CLIP1: variants seen among roughly 807,000 people sequenced by gnomAD.
CLIP1 encodes the protein CAP-Gly domain-containing linker protein 1.
A neutral mutation model predicts 161.6 loss-of-function variants in CLIP1; 66 were observed. That is an observed-to-expected ratio of 0.41 (90% confidence interval 0.33 to 0.50). CLIP1 has a LOEUF of 0.50. Among genes scored for constraint, CLIP1 ranks in the 20% least tolerant of loss-of-function variants. The probability of loss-of-function intolerance (pLI) is 0.27; values close to 1 mark genes in which losing one functional copy is unlikely to be tolerated. For synonymous variants in CLIP1, 598 were observed against 626.2 expected, an observed-to-expected ratio of 0.96 and a Z score of 0.67; for missense variants, 1,376 against 1,702.0, an observed-to-expected ratio of 0.81 and a Z score of 3.37.
intron 24 of CLIP1, chr12:122,277,899 T>C: frequency 2.2e-6 from 1 of 456,080 alleles, no homozygotes; most frequent in Non-Finnish European, 3.9e-6. Flanking sequence ...AAAAAATCTC[T>C]GAAAAGGAAA....
At chr12:122,387,138 C>T (rs1030768022) in intron 1 of CLIP1, among the ~76,000 whole-genome samples, 11 of 152,078 alleles carry the variant, frequency 7.2e-5, no homozygotes, top group Non-Finnish European at 1.3e-4. Flanking sequence ...GGGATCCTCC[C>T]GCCTCAGCCT....
Position 122,408,888 on chromosome 12 carries a change from T to C in CLIP1, c.-107+13633A>G, listed in dbSNP as rs141313647. On this transcript the variant is annotated intron_variant, in intron 1 of 25. Coordinates refer to ENST00000620786, the MANE Select transcript of CLIP1 (RefSeq NM_001247997.2). ...CCAGGGTGGCACGATCTTGGCTCAC[T>C]GCAACCTCCGCCTCCCAGGCTCAAG... Among the ~76,000 whole-genome samples the C allele has an allele frequency of 5.3e-4, 80 of 152,304 alleles. 1 individual carries two copies. The highest frequency in any genetic ancestry group is 1.8e-3 in the African/African-American group (76 of 41,572).
chr12:122,405,576 G>A (rs892421701), intron 1 of CLIP1, among the ~76,000 whole-genome samples: 3 of 152,048 alleles, frequency 2.0e-5, no homozygotes, highest in Admixed American at 6.6e-5. Context: ...ATCACCTGAG[G>A]TGAAGAGTTC....
At chr12:122,405,405 T>C (rs1956292390) in intron 1 of CLIP1, among the ~76,000 whole-genome samples, 1 of 152,188 alleles carries the variant, frequency 6.6e-6, no homozygotes, top group African/African-American at 2.4e-5. Flanking sequence ...TCTAAGTATG[T>C]GGGTATTTAT....
At chr12:122,384,155 T>C (rs1426107897) in intron 1 of CLIP1, among the ~76,000 whole-genome samples, 2 of 152,202 alleles carry the variant, frequency 1.3e-5, no homozygotes, top group African/African-American at 2.4e-5. Flanking sequence ...TCATCACCTG[T>C]CTCCTAAGGT....
At chr12:122,389,556 C>T (rs967025782) in intron 1 of CLIP1, among the ~76,000 whole-genome samples, 12 of 151,770 alleles carry the variant, frequency 7.9e-5, no homozygotes, top group African/African-American at 2.9e-4. Flanking sequence ...GTTAGGTGTT[C>T]GAGACCAACC....
At position 122,414,425 on chromosome 12, in the gene CLIP1, T is replaced by C. The variant is rs377732677; in HGVS notation, c.-107+8096A>G. Among the ~76,000 whole-genome samples, 14 of 151,976 alleles carry C rather than the reference T, an allele frequency of 9.2e-5. No homozygotes were observed. In the South Asian group the frequency reaches 2.3e-3, roughly 25 times the overall value. ...TTACTCTCCCAAAGTGCTGGGATTA[T>C]AGACATGAGCCACTGCACCTGGCCA... On this transcript the variant is annotated intron_variant, in intron 1 of 25. Coordinates refer to ENST00000620786, the MANE Select transcript of CLIP1 (RefSeq NM_001247997.2).
chr12:122,355,127 G>T lies in CLIP1; in HGVS notation c.1191C>A (p.Asp397Glu). ...EIEQELALAR[D>E]GHDQHVLELE... The stretch of plus-strand genomic sequence containing the variant: ...GTCCAGACTTCACCTGGTCATGTCC[G>T]TCCCGGGCCAGAGCTAGCTCCTGCT... Residue 397 changes from aspartate to glutamate, a missense_variant, in exon 6 of 26, where the codon GAC (aspartate) becomes GAA (glutamate). By Grantham distance (45) the Asp-to-Glu change is conservative. Around this residue, in one of 6 missense-constraint regions of CLIP1, gnomAD observed 211 missense variants for 295.1 expected, o/e 0.72. Transcript: ENST00000620786. This position sits in a 1 kb window ranked among gnomAD's most constrained non-coding sequence, Gnocchi z 4.1. 1 of 1,614,082 alleles carries T rather than the reference G, an allele frequency of 6.2e-7. No homozygotes were observed. The highest frequency in any genetic ancestry group is 8.5e-7 in the Non-Finnish European group (1 of 1,179,954).
rs753919708 is a variant in CLIP1, at chr12:122,278,813, T to A, written c.3895A>T (p.Arg1299Trp). The part of the protein sequence containing the change: ...NLELQLKENK[R>W]QLSSSSGNTD... ...TTACCTGAGGAGCTGCTGAGCTGCCTCTTGTTTTCTTTGAGTTGAAGCTCC... is the reference window on the plus strand; with the variant it reads ...TTACCTGAGGAGCTGCTGAGCTGCCACTTGTTTTCTTTGAGTTGAAGCTCC... The change falls in exon 23 of 26, where the codon AGG becomes TGG. Residue 1299 changes from arginine to tryptophan, a missense_variant. Physicochemically the swap from Arg to Trp is moderately radical, Grantham distance 101 (BLOSUM62 -3). Coordinates refer to ENST00000620786, the MANE Select transcript of CLIP1 (RefSeq NM_001247997.2). 1 of 1,606,034 alleles carries A rather than the reference T, an allele frequency of 6.2e-7. No individual in the cohort carries two copies. The highest frequency in any genetic ancestry group is 1.1e-5 in the South Asian group (1 of 90,294).
At chr12:122,401,686 A>T (rs1432524354) in intron 1 of CLIP1, among the ~76,000 whole-genome samples, 1 of 151,842 alleles carries the variant, frequency 6.6e-6, no homozygotes, top group African/African-American at 2.4e-5. Context: ...ATTACTACCT[A>T]CAATGAGTGC....
At chr12:122,401,133 A>G (rs1224510889) in intron 1 of CLIP1, among the ~76,000 whole-genome samples, 1 of 151,922 alleles carries the variant, frequency 6.6e-6, no homozygotes, top group Non-Finnish European at 1.5e-5. Context: ...CTGGTCTCGA[A>G]CTCCCGACCT....
At chr12:122,328,229 C>T in intron 16 of CLIP1, 32 bp downstream of exon 16, 1 of 1,613,264 alleles carries the variant, frequency 6.2e-7, no homozygotes, top group Admixed American at 1.7e-5. Context: ...GCCTTCCTTG[C>T]CAGCCAACAG....
chr12:122,312,318 T>C (rs1326753352), intron 19 of CLIP1, among the ~76,000 whole-genome samples: 1 of 152,222 alleles, frequency 6.6e-6, no homozygotes, highest in Non-Finnish European at 1.5e-5. Context: ...TGTTTCATTG[T>C]TATCTACAAC....
intron 19 of CLIP1, among the ~76,000 whole-genome samples, chr12:122,312,267 C>T (rs1468336055): frequency 6.6e-6 from 1 of 152,114 alleles, no homozygotes; most frequent in African/African-American, 2.4e-5. Context: ...TTACTTATGC[C>T]CTTTTTTCCC....
chr12:122,272,966 T>C lies in CLIP1; in HGVS notation c.4226A>G (p.His1409Arg), dbSNP rs765475076. The change falls in exon 26 of 26, where the codon CAT (histidine) becomes CGT (arginine). Residue 1409 changes from histidine (H) to arginine (R), a missense_variant. This residue lies in a region of CLIP1 where 948 missense variants were observed against 1,134.8 expected (regional missense o/e 0.84). Transcript: ENST00000620786. ...MSEDPPHSTH[H>R]GSRGEERPYC... ...TGGGCGTTCCTCACCCCGACTGCCA[T>C]GGTGTGTGGAATGGGGAGGGTCCTC... 5.1e-5 allele frequency: 82 copies of C among 1,614,162 alleles called. 2 individuals carry two copies. The East Asian group carries it at 6.2e-4, about 12-fold the overall frequency.
intron 1 of CLIP1, among the ~76,000 whole-genome samples, chr12:122,390,525 T>C (rs886661762): frequency 6.6e-6 from 1 of 151,520 alleles, no homozygotes; most frequent in African/African-American, 2.4e-5. Flanking sequence ...TTGGCTAGTC[T>C]GGTCTGGAAC....
chr12:122,389,527 A>G (rs1955489932), intron 1 of CLIP1, among the ~76,000 whole-genome samples: 1 of 151,984 alleles, frequency 6.6e-6, no homozygotes, highest in African/African-American at 2.4e-5. Context: ...GGGAGGCCAA[A>G]GCCGGCGGAT....
At chr12:122,273,199 T>C (rs778101754) in intron 25 of CLIP1, 99 bp from the exon 26 acceptor site, 1 of 894,426 alleles carries the variant, frequency 1.1e-6, no homozygotes, top group Non-Finnish European at 1.7e-6. Context: ...GAACTAATTA[T>C]GGCCAAGTCT....
intron 11 of CLIP1, among the ~76,000 whole-genome samples, chr12:122,340,228 C>T (rs1281132971): frequency 6.6e-6 from 1 of 151,900 alleles, no homozygotes; most frequent in Non-Finnish European, 1.5e-5. Context: ...TTACAGGTGT[C>T]CGCCACCATG....
Sources: allele counts gnomAD v4.1 joint callset (sites outside exome capture counted in the v4.1 genomes callset), GRCh38; gene constraint gnomAD v4.1.1; regional missense constraint gnomAD v4.1.1; non-coding constraint Gnocchi (gnomAD v3.1); transcripts MANE v1.5; gene names NCBI Gene and HGNC (gene_info 2026-07-23, HGNC 2026-07-21).